The following DOK6 variants were observed in gnomAD, a reference collection of about 807,000 sequenced individuals.
The protein encoded by DOK6 is docking protein 6, also known as downstream of tyrosine kinase 6.
A neutral mutation model predicts 44.0 loss-of-function variants in DOK6; 22 were observed. The ratio of observed to expected loss-of-function variants is 0.50; its 90% CI spans 0.36 to 0.71. The LOEUF (loss-of-function observed/expected upper bound fraction) is 0.71, where lower values mean the gene tolerates loss of function less well. DOK6 is among the 30% of genes least tolerant of loss of function. The probability of loss-of-function intolerance (pLI) is 0.00; values close to 1 mark genes in which losing one functional copy is unlikely to be tolerated. For missense variants in DOK6, 340 were observed against 416.4 expected (o/e 0.82, Z 1.60); for synonymous variants, 166 against 145.5 (o/e 1.14, Z -1.01).
chr18:69,475,599 G>A (rs1016412378), intron 1 of DOK6, among the ~76,000 whole-genome samples: 44 of 152,122 alleles, frequency 2.9e-4, no homozygotes, highest in African/African-American at 1.0e-3. Flanking sequence ...CTTGAATTGT[G>A]TTCCTGGAAA....
chr18:69,693,758 C>G (rs924626300), intron 4 of DOK6, among the ~76,000 whole-genome samples: 1 of 152,012 alleles, frequency 6.6e-6, no homozygotes, highest in African/African-American at 2.4e-5. Context: ...TTTGTTCCTG[C>G]ATAAAATAGA....
At chr18:69,747,108 A>G (rs1210724449) in intron 6 of DOK6, among the ~76,000 whole-genome samples, 1 of 152,212 alleles carries the variant, frequency 6.6e-6, no homozygotes, top group Non-Finnish European at 1.5e-5. Flanking sequence ...TTGACAATTT[A>G]TGTGAATATT....
At chr18:69,587,114 C>T (rs991952807) in intron 2 of DOK6, among the ~76,000 whole-genome samples, 2 of 152,106 alleles carry the variant, frequency 1.3e-5, no homozygotes, top group South Asian at 4.1e-4. Context: ...CACTGCTTAT[C>T]TTCTCATAAT....
intron 5 of DOK6, among the ~76,000 whole-genome samples, chr18:69,714,259 T>C (rs1277381080): frequency 6.6e-6 from 1 of 152,162 alleles, no homozygotes; most frequent in Non-Finnish European, 1.5e-5. Flanking sequence ...GGATATTAAA[T>C]AGATTTCCTA....
intron 6 of DOK6, among the ~76,000 whole-genome samples, chr18:69,752,594 A>G (rs1467435128): frequency 6.6e-6 from 1 of 152,196 alleles, no homozygotes; most frequent in Non-Finnish European, 1.5e-5. Context: ...AGTTCAATGA[A>G]GGAACTTTAA....
intron 7 of DOK6, among the ~76,000 whole-genome samples, chr18:69,759,714 A>T (rs754288359): frequency 2.6e-5 from 4 of 152,212 alleles, no homozygotes; most frequent in Non-Finnish European, 4.4e-5. Flanking sequence ...ATGTTGATTT[A>T]TATGTTGTAT....
intron 6 of DOK6, among the ~76,000 whole-genome samples, chr18:69,749,698 T>C (rs1335956628): frequency 6.6e-6 from 1 of 152,042 alleles, no homozygotes; most frequent in African/African-American, 2.4e-5. Context: ...CCCAGCACTC[T>C]AGGAGGCCGA....
intron 1 of DOK6, among the ~76,000 whole-genome samples, chr18:69,423,301 C>CAACA (rs71176964): frequency 0.98 from 149,055 of 151,494 alleles, 73,357 homozygotes; most frequent in East Asian, 1. Context: ...GATCCTGTCT[C>CAACA]AACAAACAAA....
chr18:69,813,683 A>G (rs1376633512), intron 7 of DOK6, among the ~76,000 whole-genome samples: 1 of 152,092 alleles, frequency 6.6e-6, no homozygotes, highest in Non-Finnish European at 1.5e-5. Flanking sequence ...TTTGTCTTTA[A>G]AAGGATCATG....
chr18:69,750,238 G>C (rs1979131986), intron 6 of DOK6, among the ~76,000 whole-genome samples: 2 of 151,826 alleles, frequency 1.3e-5, no homozygotes, highest in Non-Finnish European at 2.9e-5. Context: ...GGAAGGGTAG[G>C]GGCTAGAAGA....
At position 69,578,083 on chromosome 18, in the gene DOK6, A is replaced by G. The variant is rs1184558241; in HGVS notation, c.174+13489A>G. On this transcript the variant is annotated intron_variant, in intron 2 of 7. Coordinates refer to ENST00000382713, the MANE Select transcript of DOK6 (RefSeq NM_152721.6). ...AACGTAAAGTAAAATAAATAAATAA[A>G]TAAATTATTTAAAAAGAAAAATACC... Among the ~76,000 whole-genome samples the G allele has an allele frequency of 2.6e-5, 4 of 152,214 alleles. No homozygotes were observed. The East Asian group carries it at 7.7e-4, about 29-fold the overall frequency.
At chr18:69,684,671 C>T (rs564780088) in intron 4 of DOK6, among the ~76,000 whole-genome samples, 1 of 152,088 alleles carries the variant, frequency 6.6e-6, no homozygotes, top group African/African-American at 2.4e-5. Context: ...GGTAGTGACA[C>T]GTGCTTATAT....
intron 1 of DOK6, among the ~76,000 whole-genome samples, chr18:69,416,694 A>T (rs1372025846): frequency 6.6e-6 from 1 of 152,070 alleles, no homozygotes; most frequent in Non-Finnish European, 1.5e-5. Context: ...GAAGTTTTCT[A>T]CTGTCTCTGA....
chr18:69,677,380 ATAT>A (rs1195844333), intron 3 of DOK6, among the ~76,000 whole-genome samples: 1 of 150,798 alleles, frequency 6.6e-6, no homozygotes, highest in Non-Finnish European at 1.5e-5. Context: ...GTATATATAT[ATAT>A]ATGTATATAA....
intron 7 of DOK6, among the ~76,000 whole-genome samples, chr18:69,782,750 C>T (rs1035756714): frequency 9.2e-5 from 14 of 151,950 alleles, no homozygotes; most frequent in Non-Finnish European, 1.2e-4. Context: ...GGCAACAGAG[C>T]GAGACTCCGT....
intron 3 of DOK6, among the ~76,000 whole-genome samples, chr18:69,656,820 T>C (rs562438975): frequency 1.3e-5 from 2 of 152,258 alleles, no homozygotes; most frequent in East Asian, 3.9e-4. Context: ...GAGTGTGGGC[T>C]CCAGACCACC....
intron 1 of DOK6, among the ~76,000 whole-genome samples, chr18:69,479,237 T>C (rs1980353341): frequency 6.6e-6 from 1 of 152,070 alleles, no homozygotes; most frequent in Admixed American, 6.6e-5. Context: ...ACAAGTTTAG[T>C]CCTGAAGGAT....
chr18:69,662,724 T>A (rs1985560874), intron 3 of DOK6: 1 of 152,238 alleles, frequency 6.6e-6, no homozygotes, highest in African/African-American at 2.4e-5. Flanking sequence ...TTTTGAAGAT[T>A]AATTTCTTGT....
intron 1 of DOK6, among the ~76,000 whole-genome samples, chr18:69,512,751 T>C (rs1298438081): frequency 1.3e-5 from 2 of 152,158 alleles, no homozygotes; most frequent in Non-Finnish European, 2.9e-5. Context: ...TGGATATCAT[T>C]GTTGATAAAT....
Sources: gnomAD v4.1 joint callset for allele counts (sites outside exome capture counted in the v4.1 genomes callset) on GRCh38, gnomAD v4.1.1 for gene constraint, MANE v1.5 for transcripts, NCBI Gene and HGNC (gene_info 2026-07-23, HGNC 2026-07-21) for gene names.